KCNT2: variants seen among roughly 807,000 people sequenced by gnomAD.
KCNT2 encodes potassium sodium-activated channel subfamily T member 2.
KCNT2 carries 67 observed loss-of-function variants against 153.8 expected under a neutral mutation model. The observed-to-expected ratio is 0.44, with a 90% CI of 0.36 to 0.53. KCNT2 has a LOEUF of 0.53. KCNT2 is among the 20% of genes least tolerant of loss of function. KCNT2 has a pLI of 0.00. For synonymous variants in KCNT2, 500 were observed against 458.8 expected, an observed-to-expected ratio of 1.09 and a Z score of -1.15; for missense variants, 975 against 1,354.8, an observed-to-expected ratio of 0.72 and a Z score of 4.40.
At chr1:196,423,226 A>G in intron 11 of KCNT2, 113 bp from the exon 12 acceptor site, 3 of 548,218 alleles carry the variant, frequency 5.5e-6, no homozygotes, top group Non-Finnish European at 9.6e-6. Flanking sequence ...CATGTAGACC[A>G]TGTATATCCT....
At chr1:196,494,559 G>A (rs753966829) in intron 1 of KCNT2, among the ~76,000 whole-genome samples, 1 of 151,866 alleles carries the variant, frequency 6.6e-6, no homozygotes, top group Non-Finnish European at 1.5e-5. Context: ...CCACCATGCC[G>A]TGTTAGTCAG....
chr1:196,425,980 A>G lies in KCNT2; in HGVS notation c.993T>C (p.Tyr331=). The G allele has an allele frequency of 6.2e-7, 1 of 1,611,826 alleles. No individual in the cohort carries two copies. The highest frequency in any genetic ancestry group is 8.5e-7 in the Non-Finnish European group (1 of 1,178,558). ...FYAHPRLQDY[Y]VVILCPTEMD... ...TTTCAGTAGGACACAAAATCACCAC[A>G]TAATAATCCTATTCAAAACAAAATG... The change falls in exon 11 of 28, where the codon TAT becomes TAC. Residue 331 remains tyrosine, a synonymous_variant. Coordinates refer to ENST00000294725, the MANE Select transcript of KCNT2 (RefSeq NM_198503.5).
chr1:196,314,703 A>G (rs1662534671), intron 21 of KCNT2, among the ~76,000 whole-genome samples: 1 of 151,666 alleles, frequency 6.6e-6, no homozygotes, highest in African/African-American at 2.4e-5. Context: ...TAATGAGGTT[A>G]GGAAGGTCAC....
At chr1:196,577,633 A>G (rs1661521678) in intron 1 of KCNT2, among the ~76,000 whole-genome samples, 1 of 152,114 alleles carries the variant, frequency 6.6e-6, no homozygotes, top group African/African-American at 2.4e-5. Context: ...CCCTAACACA[A>G]ATCCAGGAAT....
chr1:196,421,117 A>G (rs1673168490), intron 12 of KCNT2, among the ~76,000 whole-genome samples: 1 of 151,956 alleles, frequency 6.6e-6, no homozygotes, highest in African/African-American at 2.4e-5. Flanking sequence ...CACTGTTGAC[A>G]CTCATCTATC....
intron 1 of KCNT2, among the ~76,000 whole-genome samples, chr1:196,586,144 G>A (rs1662654261): frequency 6.6e-6 from 1 of 151,984 alleles, no homozygotes; most frequent in Non-Finnish European, 1.5e-5. Flanking sequence ...AGTGCCTGTG[G>A]TCCCAGCTAC....
intron 1 of KCNT2, among the ~76,000 whole-genome samples, chr1:196,509,791 A>G (rs1681464330): frequency 6.6e-6 from 1 of 152,224 alleles, no homozygotes; most frequent in African/African-American, 2.4e-5. Flanking sequence ...TCCATATGAC[A>G]ATGATGAGAG....
In KCNT2 at chr1:196,429,533, A is replaced by T. The variant is rs1474707416; in HGVS notation, c.819+44T>A. On this transcript the variant is annotated intron_variant, in intron 9 of 27. Coordinates refer to ENST00000294725, the MANE Select transcript of KCNT2 (RefSeq NM_198503.5). Reference sequence around the variant, plus strand: ...TATTAAATGTGGAGGATTCAATTTCATGTCTCTGTACATTTCTATGCAATA... The same window carrying T: ...TATTAAATGTGGAGGATTCAATTTCTTGTCTCTGTACATTTCTATGCAATA... 4 of 1,300,174 alleles carry T rather than the reference A, an allele frequency of 3.1e-6. No individual in the cohort carries two copies. In the South Asian group the frequency reaches 5.0e-5, roughly 16 times the overall value. The allele number at this position is 1,300,174 out of a possible 1,614,324, so 80.5% of individuals were successfully genotyped here. A position where few individuals can be genotyped will look rare whatever the true frequency, so the allele number is the denominator to read the frequency against.
intron 2 of KCNT2, among the ~76,000 whole-genome samples, chr1:196,490,232 G>A (rs1679754822): frequency 6.6e-6 from 1 of 151,360 alleles, no homozygotes; most frequent in Non-Finnish European, 1.5e-5. Context: ...GTCCAATCGA[G>A]GTTGATTAAA....
intron 1 of KCNT2, among the ~76,000 whole-genome samples, chr1:196,527,882 G>A (rs1654449611): frequency 6.6e-6 from 1 of 152,156 alleles, no homozygotes; most frequent in Non-Finnish European, 1.5e-5. Context: ...TCCTGCTAAT[G>A]TACCAAATTT....
At position 196,398,823 on chromosome 1, in the gene KCNT2, TC is replaced by T. The variant is rs1671171278; in HGVS notation, c.1186-153del. ...GGACTTGTTAAGGATACCTATTATT[TC>T]CATAGAAGAAGGTAGTAATAGCTAA... is the stretch of plus-strand genomic sequence containing the variant. On this transcript the variant is annotated intron_variant, in intron 12 of 27. Transcript: ENST00000294725. 6.1e-6 allele frequency: 3 copies of T among 488,082 alleles called. No individual in the cohort carries two copies. The Admixed American group carries it at 1.2e-4, about 19-fold the overall frequency. 30.2% of individuals were successfully genotyped at this position (488,082 alleles called of 1,614,324 possible). A position where few individuals can be genotyped will look rare whatever the true frequency, so the allele number is the denominator to read the frequency against.
At chr1:196,348,486 G>A (rs1276501287) in intron 14 of KCNT2, among the ~76,000 whole-genome samples, 1 of 152,032 alleles carries the variant, frequency 6.6e-6, no homozygotes. Context: ...CTCTAAAATA[G>A]TATAATCTGT....
At chr1:196,585,749 G>GT (rs1662605477) in intron 1 of KCNT2, among the ~76,000 whole-genome samples, 1 of 152,106 alleles carries the variant, frequency 6.6e-6, no homozygotes. Flanking sequence ...GTTTGTCAGT[G>GT]TAATTCCTTG....
At chr1:196,379,473 G>A (rs1669272805) in intron 13 of KCNT2, among the ~76,000 whole-genome samples, 4 of 152,024 alleles carry the variant, frequency 2.6e-5, no homozygotes, top group Admixed American at 2.6e-4. Flanking sequence ...TCGGGAGGCT[G>A]AGGCAGGAGA....
At chr1:196,437,349 T>G (rs1674808713) in intron 8 of KCNT2, among the ~76,000 whole-genome samples, 1 of 139,298 alleles carries the variant, frequency 7.2e-6, no homozygotes, top group Non-Finnish European at 1.5e-5. Context: ...TTTATTTTTA[T>G]TAATATATTT....
intron 5 of KCNT2, among the ~76,000 whole-genome samples, chr1:196,470,735 A>G (rs985924366): frequency 6.6e-6 from 1 of 152,162 alleles, no homozygotes; most frequent in South Asian, 2.1e-4. Flanking sequence ...AAGGGCATCA[A>G]ATAAGAGAGG....
chr1:196,334,771 G>A (rs1170826969), intron 16 of KCNT2, among the ~76,000 whole-genome samples: 6 of 152,100 alleles, frequency 3.9e-5, no homozygotes, highest in Non-Finnish European at 8.8e-5. Flanking sequence ...AAACCTGTAT[G>A]TAGCAAGTAG....
intron 1 of KCNT2, among the ~76,000 whole-genome samples, chr1:196,544,416 C>T (rs1656796224): frequency 6.6e-6 from 1 of 151,790 alleles, no homozygotes; most frequent in African/African-American, 2.4e-5. Flanking sequence ...GAGATACAAA[C>T]GAATGTTTAC....
At chr1:196,322,374 C>G (rs1663408423) in intron 19 of KCNT2, among the ~76,000 whole-genome samples, 1 of 151,412 alleles carries the variant, frequency 6.6e-6, no homozygotes, top group South Asian at 2.1e-4. Flanking sequence ...AAAATAGATC[C>G]AGGGAAGAAT....
Sources: gnomAD v4.1 joint callset for allele counts (sites outside exome capture counted in the v4.1 genomes callset) on GRCh38, gnomAD v4.1.1 for gene constraint, MANE v1.5 for transcripts, NCBI Gene and HGNC (gene_info 2026-07-23, HGNC 2026-07-21) for gene names.